The following ABHD18 variants were observed in gnomAD, a reference collection of about 807,000 sequenced individuals.
The protein encoded by ABHD18 is cardiolipin-specific deacylase, mitochondrial.
ABHD18 carries 55 observed loss-of-function variants against 65.9 expected under a neutral mutation model. That is an observed-to-expected ratio of 0.84 (90% confidence interval 0.67 to 1.05). The LOEUF (loss-of-function observed/expected upper bound fraction) is 1.05, where lower values mean the gene tolerates loss of function less well. Ranked by LOEUF, ABHD18 falls within the 50% of genes least tolerant of loss-of-function variation. ABHD18 has a pLI of 0.00. For synonymous variants in ABHD18, 181 were observed against 180.2 expected (o/e 1.00, Z -0.04); for missense variants, 533 against 558.5 (o/e 0.95, Z 0.46).
rs1435123145 is a variant in ABHD18 at position 128,030,667 on chromosome 4, C to G, written c.1338C>G (p.Leu446=). Residue 446 remains leucine (L), a synonymous_variant, in exon 12 of 13, where the codon CTC becomes CTG. Transcript: ENST00000645843. The part of the protein sequence containing the change: ...HISAYLFKQG[L]FRQAIYDAFD... ...GTGCTTATCTTTTTAAACAAGGACT[C>G]TTCAGGTAAGACGGCTGGTCTAAAC... is the stretch of plus-strand genomic sequence containing the variant. 6.3e-7 allele frequency: 1 copy of G among 1,587,426 alleles called. No homozygotes were observed. The highest frequency in any genetic ancestry group is 8.5e-7 in the Non-Finnish European group (1 of 1,173,894).
At chr4:128,001,354 T>G (rs1342733298) in intron 4 of ABHD18, among the ~76,000 whole-genome samples, 1 of 152,220 alleles carries the variant, frequency 6.6e-6, no homozygotes, top group African/African-American at 2.4e-5. Context: ...GAAGTGATGT[T>G]GAATTTTATC....
chr4:128,030,644 G>A lies in ABHD18; in HGVS notation c.1315G>A (p.Ala439Thr). The A allele has an allele frequency of 1.3e-6, 2 of 1,597,596 alleles. No homozygotes were observed. Among genetic ancestry groups the A allele is most frequent in the Non-Finnish European group, 8.5e-7 (1 of 1,176,796 alleles). ...IRYLEGGHISAYLFKQGLFRQ... is the reference protein window; with the variant it reads ...IRYLEGGHISTYLFKQGLFRQ... Reference sequence around the variant, plus strand: ...ATACTTAGAAGGGGGTCATATTAGTGCTTATCTTTTTAAACAAGGACTCTT... The same window carrying A: ...ATACTTAGAAGGGGGTCATATTAGTACTTATCTTTTTAAACAAGGACTCTT... Residue 439 changes from alanine (A) to threonine (T), a missense_variant, in exon 12 of 13, where the codon GCT becomes ACT. This residue lies in a region of ABHD18 where 220 missense variants were observed against 226.8 expected (regional missense o/e 0.97). Transcript: ENST00000645843.
At chr4:128,016,183 A>G (rs1389651083) in intron 7 of ABHD18, among the ~76,000 whole-genome samples, 1 of 151,640 alleles carries the variant, frequency 6.6e-6, no homozygotes, top group Non-Finnish European at 1.5e-5. Flanking sequence ...CTAACTCCTG[A>G]CCTCATGATC....
chr4:128,033,959 C>CTTTT (rs996416880), intron 12 of ABHD18, among the ~76,000 whole-genome samples: 1 of 123,440 alleles, frequency 8.1e-6, no homozygotes, highest in Non-Finnish European at 1.7e-5. Flanking sequence ...TTTCTTTTTT[C>CTTTT]TTTTTTTTTT....
At position 128,039,199 on chromosome 4, in the gene ABHD18, G is replaced by A. The variant is rs933285521; in HGVS notation, c.*3386G>A. 3 of 139,884 alleles carry A rather than the reference G, an allele frequency of 2.1e-5. No individual in the cohort carries two copies. Among genetic ancestry groups the A allele is most frequent in the South Asian group, 2.2e-4 (1 of 4,520 alleles). 8.7% of individuals were successfully genotyped at this position (139,884 alleles called of 1,614,324 possible). A position where few individuals can be genotyped will look rare whatever the true frequency, so the allele number is the denominator to read the frequency against. ...TATATATATATAATCTCAAAGAAGT[G>A]CGGTCTGCCATTTATCTGCCATTTT... is the stretch of plus-strand genomic sequence containing the variant. On this transcript the variant is annotated 3_prime_UTR_variant, in exon 13 of 13. Coordinates refer to ENST00000645843, the MANE Select transcript of ABHD18 (RefSeq NM_001358451.3).
chr4:127,968,876 G>A (rs957642312), intron 1 of ABHD18, among the ~76,000 whole-genome samples: 1 of 152,028 alleles, frequency 6.6e-6, no homozygotes, highest in African/African-American at 2.4e-5. Flanking sequence ...ATTTTTATCT[G>A]TTCATGGTGG....
intron 4 of ABHD18, among the ~76,000 whole-genome samples, chr4:127,998,741 C>T (rs1752188954): frequency 6.6e-6 from 1 of 151,960 alleles, no homozygotes; most frequent in Non-Finnish European, 1.5e-5. Flanking sequence ...TAAATGTAGC[C>T]CCCACCAAAA....
intron 4 of ABHD18, chr4:128,001,625 G>T: frequency 7.6e-7 from 1 of 1,322,832 alleles, no homozygotes; most frequent in Admixed American, 2.7e-5. Context: ...CTCATACTTA[G>T]TTAACCCCTT....
Position 128,009,157 on chromosome 4 carries a change from C to A in ABHD18, c.408C>A (p.Ala136=). The part of the protein sequence containing the change: ...TLMARPMIKE[A]RMASLLLENP... ...TGGCCCGTCCTATGATTAAAGAAGC[C>A]CGAATGGCTTCTTTATTGTTAGAAA... The change falls in exon 6 of 13, where the codon GCC becomes GCA. Residue 136 remains alanine, a synonymous_variant. Coordinates refer to ENST00000645843, the MANE Select transcript of ABHD18 (RefSeq NM_001358451.3). 6.6e-7 allele frequency: 1 copy of A among 1,523,026 alleles called. No individual in the cohort carries two copies. Among genetic ancestry groups the A allele is most frequent in the South Asian group, 1.4e-5 (1 of 72,402 alleles). The allele number at this position is 1,523,026 out of a possible 1,614,324, so 94.3% of individuals were successfully genotyped here. A position where few individuals can be genotyped will look rare whatever the true frequency, so the allele number is the denominator to read the frequency against.
intron 1 of ABHD18, among the ~76,000 whole-genome samples, chr4:127,966,470 A>G (rs1385998173): frequency 6.6e-6 from 1 of 152,062 alleles, no homozygotes; most frequent in African/African-American, 2.4e-5. Flanking sequence ...CTAGTTACAC[A>G]GTCATGTATG....
chr4:128,037,653 A>T lies in ABHD18; in HGVS notation c.*1840A>T, dbSNP rs1759002570. 1 of 151,936 alleles carries T rather than the reference A, an allele frequency of 6.6e-6. No individual in the cohort carries two copies. 9.4% of individuals were successfully genotyped at this position (151,936 alleles called of 1,614,324 possible). A position where few individuals can be genotyped will look rare whatever the true frequency, so the allele number is the denominator to read the frequency against. ...ACACCCGACCTGACATTTTATTTTTATTTTTTTAATTACATTTTTCTATAT... is the reference window on the plus strand; with the variant it reads ...ACACCCGACCTGACATTTTATTTTTTTTTTTTTAATTACATTTTTCTATAT... On this transcript the variant is annotated 3_prime_UTR_variant, in exon 13 of 13. Coordinates refer to ENST00000645843, the MANE Select transcript of ABHD18 (RefSeq NM_001358451.3).
At chr4:128,003,438 G>T (rs1169523082) in intron 4 of ABHD18, among the ~76,000 whole-genome samples, 1 of 149,674 alleles carries the variant, frequency 6.7e-6, no homozygotes, top group Admixed American at 6.7e-5. Context: ...AAACCATAGA[G>T]AAACTACCAA....
intron 1 of ABHD18, among the ~76,000 whole-genome samples, chr4:127,978,946 C>G (rs941930286): frequency 6.6e-6 from 1 of 152,124 alleles, no homozygotes; most frequent in Non-Finnish European, 1.5e-5. Context: ...TCTAAATGTT[C>G]CTCAGTTTAT....
intron 10 of ABHD18, among the ~76,000 whole-genome samples, chr4:128,021,647 C>G (rs1465183133): frequency 5.3e-5 from 8 of 152,106 alleles, no homozygotes. Flanking sequence ...GAGTGAGACT[C>G]TGTCTTAAAA....
rs190708420 is a variant in ABHD18, at chr4:128,037,860, G to A, written c.*2047G>A. 8 of 144,970 alleles carry A rather than the reference G, an allele frequency of 5.5e-5. No homozygotes were observed. Among genetic ancestry groups the A allele is most frequent in the African/African-American group, 1.9e-4 (8 of 41,258 alleles). 9.0% of individuals were successfully genotyped at this position (144,970 alleles called of 1,614,324 possible). A position where few individuals can be genotyped will look rare whatever the true frequency, so the allele number is the denominator to read the frequency against. On this transcript the variant is annotated 3_prime_UTR_variant, in exon 13 of 13. Coordinates refer to ENST00000645843, the MANE Select transcript of ABHD18 (RefSeq NM_001358451.3). ...CTCTTAAATGGGGTTTATATGGCTC[G>A]ATTTGGTGCTTTCTTTTTATGTTAA...
At chr4:127,992,505 G>C (rs1751089169) in intron 4 of ABHD18, among the ~76,000 whole-genome samples, 1 of 151,932 alleles carries the variant, frequency 6.6e-6, no homozygotes, top group Non-Finnish European at 1.5e-5. Context: ...ATAGTGTGCG[G>C]GGAATATAAA....
At chr4:127,997,499 C>T (rs1222684876) in intron 4 of ABHD18, among the ~76,000 whole-genome samples, 1 of 152,316 alleles carries the variant, frequency 6.6e-6, no homozygotes, top group East Asian at 1.9e-4. Flanking sequence ...AGAAGGAATA[C>T]TGATTTCATA....
intron 1 of ABHD18, among the ~76,000 whole-genome samples, chr4:127,977,287 A>G (rs1748134336): frequency 6.6e-6 from 1 of 151,660 alleles, no homozygotes; most frequent in African/African-American, 2.4e-5. Flanking sequence ...AGCCTGACCA[A>G]CATGGAGAAA....
chr4:128,018,454 C>G (rs558594995), intron 8 of ABHD18, among the ~76,000 whole-genome samples: 13 of 151,862 alleles, frequency 8.6e-5, no homozygotes, highest in African/African-American at 3.1e-4. Context: ...AGTAGTAAGA[C>G]CCACCCTGTC....
Sources: allele counts gnomAD v4.1 joint callset (sites outside exome capture counted in the v4.1 genomes callset), GRCh38; gene constraint gnomAD v4.1.1; regional missense constraint gnomAD v4.1.1; transcripts MANE v1.5; gene names NCBI Gene and HGNC (gene_info 2026-07-23, HGNC 2026-07-21).